Variants in ST8SIA1 observed in about 807,000 individuals in gnomAD.
The protein encoded by ST8SIA1 is alpha-N-acetylneuraminide alpha-2,8-sialyltransferase.
ST8SIA1 carries 16 observed loss-of-function variants against 35.9 expected under a neutral mutation model. That is an observed-to-expected ratio of 0.45 (90% CI 0.30 to 0.68). The LOEUF (loss-of-function observed/expected upper bound fraction) is 0.68. Ranked by LOEUF, ST8SIA1 falls within the 30% of genes least tolerant of loss-of-function variation. The pLI is 0.09. For synonymous variants in ST8SIA1, 170 were observed against 169.6 expected, an observed-to-expected ratio of 1.00 and a Z score of -0.02; for missense variants, 383 against 453.6, an observed-to-expected ratio of 0.84 and a Z score of 1.41.
At chr12:22,285,870 TCAAAAA>T (rs1270353244) in intron 2 of ST8SIA1, among the ~76,000 whole-genome samples, 1,197 of 36,620 alleles carry the variant, frequency 0.033, 21 homozygotes, top group African/African-American at 0.16. Context: ...TAAGACTCTG[TCAAAAA>T]CAAAAAAAAA....
chr12:22,324,092 C>T (rs1022759862), intron 1 of ST8SIA1, among the ~76,000 whole-genome samples: 15 of 152,008 alleles, frequency 9.9e-5, no homozygotes, highest in Non-Finnish European at 1.8e-4. Context: ...TATTCATGAT[C>T]ATAAAAATAG....
chr12:22,281,525 A>G (rs537371879), intron 2 of ST8SIA1, among the ~76,000 whole-genome samples: 15 of 152,334 alleles, frequency 9.8e-5, no homozygotes, highest in Middle Eastern at 3.4e-3. Flanking sequence ...TCCCCTTTAT[A>G]AAACTCAAAA....
At chr12:22,231,265 C>T (rs1337909006) in intron 4 of ST8SIA1, among the ~76,000 whole-genome samples, 1 of 151,436 alleles carries the variant, frequency 6.6e-6, no homozygotes, top group Non-Finnish European at 1.5e-5. Flanking sequence ...CCATGTCCTG[C>T]TGGAAATGCT....
chr12:22,251,081 T>A (rs946424913), intron 3 of ST8SIA1, among the ~76,000 whole-genome samples: 1 of 152,194 alleles, frequency 6.6e-6, no homozygotes, highest in Non-Finnish European at 1.5e-5. Flanking sequence ...GTCTTGTGAT[T>A]TAATTGATCT....
intron 1 of ST8SIA1, among the ~76,000 whole-genome samples, chr12:22,301,596 T>G (rs1351244334): frequency 6.6e-6 from 1 of 152,216 alleles, no homozygotes; most frequent in East Asian, 1.9e-4. Flanking sequence ...AATAAGAATA[T>G]GTTTTCATTT....
At chr12:22,282,850 T>C (rs1459090868) in intron 2 of ST8SIA1, among the ~76,000 whole-genome samples, 2 of 152,070 alleles carry the variant, frequency 1.3e-5, no homozygotes, top group Non-Finnish European at 2.9e-5. Flanking sequence ...ATGATTACAA[T>C]AATATGAATA....
chr12:22,321,170 T>C (rs986042634), intron 1 of ST8SIA1, among the ~76,000 whole-genome samples: 2 of 151,806 alleles, frequency 1.3e-5, no homozygotes, highest in Non-Finnish European at 2.9e-5. Flanking sequence ...CCCTGAGCCA[T>C]GGAGAAAGCG....
At chr12:22,235,756 A>G (rs866187814) in intron 4 of ST8SIA1, among the ~76,000 whole-genome samples, 1 of 152,306 alleles carries the variant, frequency 6.6e-6, no homozygotes, top group Middle Eastern at 3.4e-3. Flanking sequence ...TCAACTGCTA[A>G]AGTGGCGTTT....
chr12:22,298,195 T>A (rs1866270896), intron 1 of ST8SIA1, among the ~76,000 whole-genome samples: 1 of 152,190 alleles, frequency 6.6e-6, no homozygotes, highest in South Asian at 2.1e-4. Flanking sequence ...ATATCCTGTA[T>A]AATAAACAGT....
At chr12:22,286,533 T>G (rs3819879) in intron 2 of ST8SIA1, 113,709 of 517,284 alleles carry the variant, frequency 0.22, 12,794 homozygotes, top group Middle Eastern at 0.3. Context: ...TTCCCTAAAA[T>G]AAAATTTCCC....
At chr12:22,277,061 C>T (rs961649095) in intron 2 of ST8SIA1, among the ~76,000 whole-genome samples, 18 of 152,170 alleles carry the variant, frequency 1.2e-4, no homozygotes, top group African/African-American at 3.9e-4. Flanking sequence ...ATGGTTGGTG[C>T]ATCCCTAATT....
intron 1 of ST8SIA1, among the ~76,000 whole-genome samples, chr12:22,289,999 C>A (rs1368462069): frequency 2.0e-5 from 3 of 152,182 alleles, no homozygotes; most frequent in Non-Finnish European, 2.9e-5. Context: ...TATGTTGAAT[C>A]ACATTCACAT....
chr12:22,253,295 G>A (rs753166032), intron 3 of ST8SIA1, among the ~76,000 whole-genome samples: 1 of 152,036 alleles, frequency 6.6e-6, no homozygotes, highest in Non-Finnish European at 1.5e-5. Context: ...TACTGGAGAG[G>A]GTGCCTGAAG....
At chr12:22,295,892 A>T (rs1866237624) in intron 1 of ST8SIA1, among the ~76,000 whole-genome samples, 1 of 152,180 alleles carries the variant, frequency 6.6e-6, no homozygotes, top group Non-Finnish European at 1.5e-5. Flanking sequence ...TCCCCATCAA[A>T]GAATGTTTCT....
At chr12:22,312,006 G>A (rs182272664) in intron 1 of ST8SIA1, among the ~76,000 whole-genome samples, 117 of 152,190 alleles carry the variant, frequency 7.7e-4, no homozygotes, top group Middle Eastern at 3.4e-3. Flanking sequence ...CTAAAATGTT[G>A]ATGCTGATAA....
intron 2 of ST8SIA1, among the ~76,000 whole-genome samples, chr12:22,259,072 T>C (rs1865757884): frequency 6.6e-6 from 1 of 152,194 alleles, no homozygotes; most frequent in Non-Finnish European, 1.5e-5. Context: ...CTCATCTTCC[T>C]TCCCTTTTTC....
chr12:22,268,184 T>C (rs1865868706), intron 2 of ST8SIA1, among the ~76,000 whole-genome samples: 1 of 152,226 alleles, frequency 6.6e-6, no homozygotes, highest in South Asian at 2.1e-4. Context: ...CCAGACTTTC[T>C]GGAGAAATGC....
intron 1 of ST8SIA1, among the ~76,000 whole-genome samples, chr12:22,333,426 A>T (rs1056066760): frequency 1.1e-4 from 17 of 152,232 alleles, no homozygotes; most frequent in African/African-American, 3.9e-4. Context: ...GCTGTTCGAG[A>T]TTTCAACACA....
intron 4 of ST8SIA1, among the ~76,000 whole-genome samples, chr12:22,203,051 T>C (rs1329273565): frequency 1.3e-5 from 2 of 152,286 alleles, no homozygotes; most frequent in East Asian, 3.9e-4. Context: ...TTCACAGCAG[T>C]GACTGCTTAC....
Sources: allele counts gnomAD v4.1 joint callset (sites outside exome capture counted in the v4.1 genomes callset), GRCh38; gene constraint gnomAD v4.1.1; transcripts MANE v1.5; gene names NCBI Gene and HGNC (gene_info 2026-07-23, HGNC 2026-07-21).